Variants in LOC131768270 observed in about 807,000 individuals in gnomAD.
At chr5:140,568,230 A>G in the LOC131768270 span, 10 of 1,594,908 alleles carry the variant, frequency 6.3e-6, no homozygotes, top group Admixed American at 3.4e-5. Context: ...TCCCTCTCCC[A>G]TCAGCAGCCC....
chr5:140,564,833 C>T, the LOC131768270 span: 15 of 402,302 alleles, frequency 3.7e-5, no homozygotes, highest in African/African-American at 2.7e-4. This position sits in a 1 kb window ranked among gnomAD's most constrained non-coding sequence, Gnocchi z 5.0. Context: ...GCAACAAGTT[C>T]GGCGGGGAAG....
At chr5:140,565,355 G>A in the LOC131768270 span, 1 of 158,924 alleles carries the variant, frequency 6.3e-6, no homozygotes, top group Admixed American at 6.5e-5. Context: ...TTCAGTTTGG[G>A]ATGTCCTTGG....
chr5:140,567,613 G>C, the LOC131768270 span: 1 of 1,614,218 alleles, frequency 6.2e-7, no homozygotes, highest in African/African-American at 1.3e-5. Flanking sequence ...CGCTGCTGCT[G>C]CTGATGGCTG....
chr5:140,567,714 T>G, the LOC131768270 span: 1 of 1,614,136 alleles, frequency 6.2e-7, no homozygotes, highest in Non-Finnish European at 8.5e-7. Flanking sequence ...CCCATGCCCC[T>G]GCATATCACT....
the LOC131768270 span, chr5:140,568,092 T>C: frequency 6.2e-7 from 1 of 1,613,952 alleles, no homozygotes; most frequent in Non-Finnish European, 8.5e-7. Flanking sequence ...GCCTTCTTCC[T>C]GGCCACATTG....
the LOC131768270 span, chr5:140,565,016 G>GT: frequency 2.5e-6 from 1 of 398,668 alleles, no homozygotes; most frequent in Admixed American, 4.4e-5. Flanking sequence ...GTGGAGTGGT[G>GT]TGGGGAGAGC....
At chr5:140,567,260 G>A in the LOC131768270 span, 28 of 1,614,072 alleles carry the variant, frequency 1.7e-5, no homozygotes, top group Middle Eastern at 1.6e-4. Context: ...TGCCATGTAC[G>A]GTGCCCATGC....
At chr5:140,567,845 A>C in the LOC131768270 span, 1 of 1,613,894 alleles carries the variant, frequency 6.2e-7, no homozygotes, top group Non-Finnish European at 8.5e-7. Context: ...CTTCCTCTAC[A>C]CTTTTGGTGT....
At chr5:140,566,107 T>A in the LOC131768270 span, 2 of 396,212 alleles carry the variant, frequency 5.0e-6, no homozygotes. Context: ...AGGACAATTT[T>A]TCTGAATGGC....
the LOC131768270 span, chr5:140,564,939 C>G: frequency 2.5e-6 from 1 of 400,606 alleles, no homozygotes; most frequent in Non-Finnish European, 4.4e-6. This position sits in a 1 kb window ranked among gnomAD's most constrained non-coding sequence, Gnocchi z 5.0. Flanking sequence ...AGAAGCGACT[C>G]TGGAGCGGCT....
At chr5:140,568,361 C>T in the LOC131768270 span, 1,396 of 690,926 alleles carry the variant, frequency 2.0e-3, 11 homozygotes, top group African/African-American at 0.023. Context: ...TAAGGAAATG[C>T]TTACCATCCC....
At chr5:140,567,918 C>T in the LOC131768270 span, 3 of 1,614,094 alleles carry the variant, frequency 1.9e-6, no homozygotes, top group African/African-American at 1.3e-5. Flanking sequence ...GAAGGTTTCT[C>T]AGGATGGGCA....
At chr5:140,567,884 G>A in the LOC131768270 span, 234 of 1,614,064 alleles carry the variant, frequency 1.4e-4, no homozygotes, top group Non-Finnish European at 1.9e-4. Flanking sequence ...GCATGCTGGC[G>A]GCGGCTCTGG....
chr5:140,566,247 T>C, the LOC131768270 span, among the ~76,000 whole-genome samples: 1 of 151,210 alleles, frequency 6.6e-6, no homozygotes, highest in East Asian at 1.9e-4. Flanking sequence ...TGAAAGGAGG[T>C]CCATTTGGCT....
At chr5:140,564,938 T>G in the LOC131768270 span, 2 of 400,444 alleles carry the variant, frequency 5.0e-6, no homozygotes, top group African/African-American at 2.1e-5. This position sits in a 1 kb window ranked among gnomAD's most constrained non-coding sequence, Gnocchi z 5.0. Flanking sequence ...GAGAAGCGAC[T>G]CTGGAGCGGC....
At chr5:140,568,115 G>T in the LOC131768270 span, 1 of 1,613,604 alleles carries the variant, frequency 6.2e-7, no homozygotes, top group South Asian at 1.1e-5. Context: ...CATTGGCCTG[G>T]CCATGCGCCT....
chr5:140,565,953 C>A, the LOC131768270 span: 1 of 398,866 alleles, frequency 2.5e-6, no homozygotes, highest in Non-Finnish European at 4.4e-6. Flanking sequence ...AAGACGAAGT[C>A]AACAGTGGAG....
the LOC131768270 span, chr5:140,568,553 C>T: frequency 3.8e-6 from 1 of 262,592 alleles, no homozygotes; most frequent in African/African-American, 2.3e-5. Flanking sequence ...AGCAGAGCCA[C>T]TGGAGCTGGC....
At chr5:140,565,207 A>G in the LOC131768270 span, 2 of 303,686 alleles carry the variant, frequency 6.6e-6, no homozygotes, top group Non-Finnish European at 1.2e-5. Context: ...ACGGACACTC[A>G]CACCACCCTC....
Sources: gnomAD v4.1 joint callset for allele counts (sites outside exome capture counted in the v4.1 genomes callset) on GRCh38, gnomAD v4.1.1 for gene constraint, Gnocchi (gnomAD v3.1) non-coding constraint, MANE v1.5 for transcripts.